The following HERC2 variants were observed in gnomAD, a reference collection of about 807,000 sequenced individuals.
The protein encoded by HERC2 is E3 ubiquitin-protein ligase HERC2.
A neutral mutation model predicts 537.7 loss-of-function variants in HERC2; 102 were observed. The ratio of observed to expected loss-of-function variants is 0.19; its 90% confidence interval spans 0.16 to 0.22. The LOEUF is 0.22. HERC2 is among the 10% of genes least tolerant of loss of function. The pLI is 1.00. For missense variants in HERC2, 4,236 were observed against 6,198.2 expected (o/e 0.68, Z 10.63); for synonymous variants, 2,224 against 2,466.2 (o/e 0.90, Z 2.91).
chr15:28,140,476 CAT>C (rs1891106049), intron 78 of HERC2, among the ~76,000 whole-genome samples: 1 of 152,186 alleles, frequency 6.6e-6, no homozygotes, highest in Non-Finnish European at 1.5e-5. Context: ...GGTCACCAAA[CAT>C]AAAGTCAATA....
chr15:28,292,819 T>C, intron 4 of HERC2, 69 bp downstream of exon 4: 1 of 1,445,682 alleles, frequency 6.9e-7, no homozygotes, highest in Non-Finnish European at 9.5e-7. Flanking sequence ...ATACTAAGAA[T>C]CCATCCAAGT....
chr15:28,174,552 G>A lies in HERC2; in HGVS notation c.9900C>T (p.Pro3300=). 1.2e-6 allele frequency: 2 copies of A among 1,613,940 alleles called. No homozygotes were observed. Among genetic ancestry groups the A allele is most frequent in the Non-Finnish European group, 1.7e-6 (2 of 1,179,884 alleles). Residue 3300 remains proline, a synonymous_variant, in exon 65 of 93, where the codon CCC becomes CCT. Transcript: ENST00000261609. ...GNGTTTVNRK[P]TLVQGLEGQK... ...GGCCTTCTAAGCCTTGCACGAGTGT[G>A]GGCTTCCTGTTAACCGTGGTCGTGC... is the stretch of plus-strand genomic sequence containing the variant.
chr15:28,236,621 T>C (rs1567053500), intron 26 of HERC2, among the ~76,000 whole-genome samples: 1 of 147,136 alleles, frequency 6.8e-6, no homozygotes. Context: ...AGAGTCTTGC[T>C]CTGTCACCCA....
chr15:28,146,137 T>A (rs1402438426), intron 71 of HERC2, 100 bp downstream of exon 71: 17 of 811,194 alleles, frequency 2.1e-5, no homozygotes, highest in Admixed American at 4.4e-5. Context: ...AAGACTTCCA[T>A]GAGAATACGA....
intron 85 of HERC2, 91 bp downstream of exon 85, chr15:28,123,946 T>G: frequency 2.8e-6 from 3 of 1,054,064 alleles, no homozygotes; most frequent in Non-Finnish European, 4.0e-6. Context: ...AGCTGTATTC[T>G]ATGTGTTCTA....
chr15:28,248,856 A>T (rs1307720406), intron 20 of HERC2, 120 bp from the exon 21 acceptor site: 1 of 792,900 alleles, frequency 1.3e-6, no homozygotes, highest in East Asian at 2.7e-5. Flanking sequence ...GATGACCTGC[A>T]GCTGGCTTCC....
chr15:28,182,078 C>A (rs1895878230), intron 57 of HERC2, among the ~76,000 whole-genome samples: 1 of 152,146 alleles, frequency 6.6e-6, no homozygotes, highest in Non-Finnish European at 1.5e-5. Context: ...AGCCTTTTTA[C>A]ACATTATTTT....
At chr15:28,178,692 C>G (rs1254439461) in intron 59 of HERC2, among the ~76,000 whole-genome samples, 195 bp downstream of exon 59, 3 of 152,130 alleles carry the variant, frequency 2.0e-5, no homozygotes, top group Non-Finnish European at 4.4e-5. Context: ...GAAAAACAGC[C>G]TACTTTTAGG....
chr15:28,255,405 C>T (rs2075226070), intron 19 of HERC2, among the ~76,000 whole-genome samples: 2 of 152,166 alleles, frequency 1.3e-5, no homozygotes, highest in African/African-American at 4.8e-5. Flanking sequence ...CAGTACTACA[C>T]CTATAAAATG....
chr15:28,163,114 T>C lies in HERC2; in HGVS notation c.10726A>G (p.Met3576Val), dbSNP rs764843426. 1.4e-5 allele frequency: 23 copies of C among 1,610,912 alleles called. No homozygotes were observed. Among genetic ancestry groups the C allele is most frequent in the Non-Finnish European group, 1.9e-5 (23 of 1,179,838 alleles). ...CTCACCTGTGGGTAGGCGGTCCCCA[T>C]GCCGGAAAGCACCGCGGAGAGCACA... ...RDVLSAVLSG[M>V]GTAYPQVADM... Residue 3576 changes from methionine to valine, a missense_variant, in exon 69 of 93, where the codon ATG (methionine) becomes GTG (valine). Physicochemically the swap from Met to Val is conservative, Grantham distance 21. Transcript: ENST00000261609.
intron 35 of HERC2, among the ~76,000 whole-genome samples, chr15:28,223,933 C>A (rs1308058860): frequency 6.6e-6 from 1 of 151,640 alleles, no homozygotes; most frequent in Non-Finnish European, 1.5e-5. Context: ...CTTATTGGAA[C>A]CTCTGGGAAA....
In HERC2 at chr15:28,246,811, C is replaced by A; in HGVS notation, c.3322G>T (p.Ala1108Ser). 2 of 1,609,752 alleles carry A rather than the reference C, an allele frequency of 1.2e-6. No homozygotes were observed. Among genetic ancestry groups the A allele is most frequent in the African/African-American group, 1.3e-5 (1 of 74,772 alleles). Residue 1108 changes from alanine (A) to serine (S), a missense_variant, in exon 22 of 93, where the codon GCC (alanine) becomes TCC (serine). Physicochemically the swap from Ala to Ser is moderately conservative, Grantham distance 99. This residue lies in a region of HERC2 where 754 missense variants were observed against 1,085.0 expected (regional missense o/e 0.69). Coordinates refer to ENST00000261609, the MANE Select transcript of HERC2 (RefSeq NM_004667.6). ...THIGDILPVA[A>S]SIASTSWRHF... Reference sequence around the variant, plus strand: ...CGCCAGCTGGTAGAAGCAATGCTGGCGGCCACAGGCAGTATATCTCCAATG... The same window carrying A: ...CGCCAGCTGGTAGAAGCAATGCTGGAGGCCACAGGCAGTATATCTCCAATG...
chr15:28,113,090 C>T lies in HERC2; in HGVS notation c.14213G>A (p.Gly4738Asp). ...GCCTACCTGGATGACGAAGTCTCGG[C>T]CCCGGAAGTCGGCGATGGTCCTGGG... is the stretch of plus-strand genomic sequence containing the variant. ...RLPRTIADFR[G>D]RDFVIQVLDK... The change falls in exon 92 of 93, where the codon GGC becomes GAC. Residue 4738 changes from glycine (G) to aspartate (D), a missense_variant. Transcript: ENST00000261609. The surrounding 1 kb of genome is among the most constrained non-coding windows in gnomAD (Gnocchi z 7.0). The T allele has an allele frequency of 6.2e-7, 1 of 1,613,390 alleles. No individual in the cohort carries two copies. Among genetic ancestry groups the T allele is most frequent in the South Asian group, 1.1e-5 (1 of 91,084 alleles).
intron 78 of HERC2, among the ~76,000 whole-genome samples, chr15:28,138,938 G>T (rs1189504612): frequency 1.3e-5 from 2 of 152,210 alleles, no homozygotes. Flanking sequence ...GGAAGAAGTG[G>T]ATTCCAACCC....
intron 84 of HERC2, 141 bp downstream of exon 84, chr15:28,124,865 T>TAA: frequency 2.2e-6 from 2 of 889,802 alleles, no homozygotes; most frequent in Non-Finnish European, 3.3e-6. Flanking sequence ...TCAAGGTTCT[T>TAA]AAATGCACTG....
chr15:28,148,714 C>T (rs1460301393), intron 70 of HERC2, among the ~76,000 whole-genome samples: 3 of 151,738 alleles, frequency 2.0e-5, no homozygotes, highest in Admixed American at 6.6e-5. Context: ...AGAACATCAC[C>T]GAGAACGGCT....
chr15:28,113,101 G>A lies in HERC2; in HGVS notation c.14202C>T (p.Ala4734=), dbSNP rs375306215. 2.2e-5 allele frequency: 36 copies of A among 1,613,508 alleles called. No individual in the cohort carries two copies. Among genetic ancestry groups the A allele is most frequent in the South Asian group, 4.4e-5 (4 of 91,088 alleles). The part of the protein sequence containing the change: ...WGRTRLPRTI[A]DFRGRDFVIQ... Reference sequence around the variant, plus strand: ...TGACGAAGTCTCGGCCCCGGAAGTCGGCGATGGTCCTGGGCAGCCTCGTCC... The same window carrying A: ...TGACGAAGTCTCGGCCCCGGAAGTCAGCGATGGTCCTGGGCAGCCTCGTCC... The change falls in exon 92 of 93, where the codon GCC becomes GCT. Residue 4734 remains alanine, a synonymous_variant. Coordinates refer to ENST00000261609, the MANE Select transcript of HERC2 (RefSeq NM_004667.6). The surrounding 1 kb of genome is among the most constrained non-coding windows in gnomAD (Gnocchi z 7.0).
At chr15:28,186,545 G>A (rs769220682) in intron 56 of HERC2, 32 bp downstream of exon 56, 27 of 1,580,324 alleles carry the variant, frequency 1.7e-5, no homozygotes, top group Non-Finnish European at 8.7e-6. Flanking sequence ...GTAGCGGGAG[G>A]TAAGTGAGCA....
At chr15:28,127,196 G>A (rs950034095) in intron 83 of HERC2, among the ~76,000 whole-genome samples, 3 of 152,210 alleles carry the variant, frequency 2.0e-5, no homozygotes, top group Admixed American at 1.3e-4. Context: ...GCCACGAGGC[G>A]GGTGTCGCAC....
Sources: allele counts gnomAD v4.1 joint callset (sites outside exome capture counted in the v4.1 genomes callset), GRCh38; gene constraint gnomAD v4.1.1; regional missense constraint gnomAD v4.1.1; non-coding constraint Gnocchi (gnomAD v3.1); transcripts MANE v1.5; gene names NCBI Gene and HGNC (gene_info 2026-07-23, HGNC 2026-07-21).